Variants in PIP4K2A observed in about 807,000 individuals in gnomAD.
The protein encoded by PIP4K2A is phosphatidylinositol 5-phosphate 4-kinase type-2 alpha.
PIP4K2A carries 14 observed loss-of-function variants against 42.9 expected under a neutral mutation model. The observed-to-expected ratio is 0.33, with a 90% confidence interval of 0.22 to 0.51. The LOEUF (loss-of-function observed/expected upper bound fraction) is 0.51, where lower values mean the gene tolerates loss of function less well. Ranked by LOEUF, PIP4K2A falls within the 20% of genes least tolerant of loss-of-function variation. PIP4K2A has a pLI of 0.97. For synonymous variants in PIP4K2A, 192 were observed against 192.2 expected (o/e 1.00, Z 0.01); for missense variants, 434 against 519.8 (o/e 0.83, Z 1.61).
chr10:22,561,883 T>G (rs1836713859), intron 6 of PIP4K2A, among the ~76,000 whole-genome samples: 3 of 152,174 alleles, frequency 2.0e-5, no homozygotes, highest in Admixed American at 2.0e-4. Flanking sequence ...AAGATTGTTC[T>G]TTGTACCATA....
At chr10:22,628,411 C>T (rs551838988) in intron 1 of PIP4K2A, among the ~76,000 whole-genome samples, 15 of 152,148 alleles carry the variant, frequency 9.9e-5, no homozygotes, top group Admixed American at 2.6e-4. Flanking sequence ...AAAAATTGTA[C>T]CCTAAATGCT....
At chr10:22,564,626 C>A (rs1301640578) in intron 6 of PIP4K2A, among the ~76,000 whole-genome samples, 1 of 152,218 alleles carries the variant, frequency 6.6e-6, no homozygotes, top group Admixed American at 6.5e-5. Context: ...AACATTCACT[C>A]ATGGCAGCAT....
At chr10:22,648,895 G>A (rs565813168) in intron 1 of PIP4K2A, among the ~76,000 whole-genome samples, 1 of 152,194 alleles carries the variant, frequency 6.6e-6, no homozygotes, top group Admixed American at 6.5e-5. Context: ...TCATCAGAAC[G>A]TAGCCCAAAG....
chr10:22,676,622 G>A (rs1352153798), intron 1 of PIP4K2A, among the ~76,000 whole-genome samples: 1 of 152,116 alleles, frequency 6.6e-6, no homozygotes, highest in African/African-American at 2.4e-5. Flanking sequence ...GCTCAGTGAT[G>A]GGCTGATAAG....
intron 3 of PIP4K2A, 167 bp downstream of exon 3, chr10:22,607,760 C>G: frequency 1.9e-6 from 1 of 519,748 alleles, no homozygotes; most frequent in Non-Finnish European, 3.5e-6. Flanking sequence ...GGTCCCCAAT[C>G]AAGAGAACAC....
At position 22,641,115 on chromosome 10, in the gene PIP4K2A, T is replaced by C. The variant is rs987406639; in HGVS notation, c.145-31398A>G. ...TTAAACCTTGTTGTAGAGTCTATTA[T>C]ATCCTATGACATATGATGCTGCAGA... On this transcript the variant is annotated intron_variant, in intron 1 of 9. Coordinates refer to ENST00000376573, the MANE Select transcript of PIP4K2A (RefSeq NM_005028.5). 1.7e-4 allele frequency among the ~76,000 whole-genome samples: 26 copies of C among 152,232 alleles called. 1 individual carries two copies. The highest frequency in any genetic ancestry group is 6.0e-4 in the African/African-American group (25 of 41,466).
chr10:22,620,922 G>A (rs1838315206), intron 1 of PIP4K2A, among the ~76,000 whole-genome samples: 1 of 152,220 alleles, frequency 6.6e-6, no homozygotes, highest in African/African-American at 2.4e-5. Flanking sequence ...ATGTGGATGT[G>A]GCAGTGCAGG....
At chr10:22,619,409 T>C (rs1174167435) in intron 1 of PIP4K2A, among the ~76,000 whole-genome samples, 1 of 151,704 alleles carries the variant, frequency 6.6e-6, no homozygotes, top group Non-Finnish European at 1.5e-5. Context: ...TACAGCTGCT[T>C]CATCAATATT....
chr10:22,668,343 G>A (rs1312918494), intron 1 of PIP4K2A, among the ~76,000 whole-genome samples: 1 of 152,120 alleles, frequency 6.6e-6, no homozygotes, highest in Non-Finnish European at 1.5e-5. Flanking sequence ...TTTCATCACA[G>A]ACTATCACCA....
intron 1 of PIP4K2A, among the ~76,000 whole-genome samples, chr10:22,668,426 T>A (rs1451650968): frequency 2.6e-5 from 4 of 152,232 alleles, no homozygotes; most frequent in African/African-American, 7.2e-5. Flanking sequence ...GTGTTTTTTT[T>A]GTTTGTTTGT....
chr10:22,576,836 GA>G (rs1375584227), intron 4 of PIP4K2A, among the ~76,000 whole-genome samples: 1 of 152,084 alleles, frequency 6.6e-6, no homozygotes, highest in Non-Finnish European at 1.5e-5. Flanking sequence ...AGCACCCTGG[GA>G]GGCCAAGGTG....
chr10:22,654,495 A>G (rs958423596), intron 1 of PIP4K2A, among the ~76,000 whole-genome samples: 1 of 152,236 alleles, frequency 6.6e-6, no homozygotes, highest in Non-Finnish European at 1.5e-5. Context: ...CGTTCTTAAC[A>G]TGGGCTAAGA....
At chr10:22,570,268 T>TAAA in intron 5 of PIP4K2A, among the ~76,000 whole-genome samples, 1 of 152,352 alleles carries the variant, frequency 6.6e-6, no homozygotes, top group Non-Finnish European at 1.5e-5. Context: ...ATCCCTATTT[T>TAAA]AACAGATGAA....
At chr10:22,645,122 T>A (rs1356382317) in intron 1 of PIP4K2A, among the ~76,000 whole-genome samples, 1 of 152,256 alleles carries the variant, frequency 6.6e-6, no homozygotes, top group African/African-American at 2.4e-5. Flanking sequence ...TTTGATCTTT[T>A]AAAATTTTGA....
rs1222642553 is a variant in PIP4K2A at position 22,601,142 on chromosome 10, AAAAAAAAAAAAAAAAAAAAAAC to A, written c.339+6763_339+6784del. On this transcript the variant is annotated intron_variant, in intron 3 of 9. Transcript: ENST00000376573. ...AGCGAGACTGTCTCAAAAAAAAAAA[AAAAAAAAAAAAAAAAAAAAAAC>A]AAACCAGGAACATGTCCCCAAGGCT... Among the ~76,000 whole-genome samples the A allele has an allele frequency of 3.1e-4, 39 of 127,608 alleles. 1 individual carries two copies. Among genetic ancestry groups the A allele is most frequent in the South Asian group, 2.6e-4 (1 of 3,836 alleles). 83.7% of individuals were successfully genotyped at this position (127,608 alleles called of 152,430 possible).
intron 1 of PIP4K2A, among the ~76,000 whole-genome samples, chr10:22,683,252 T>C (rs1839697753): frequency 6.6e-6 from 1 of 152,150 alleles, no homozygotes; most frequent in Non-Finnish European, 1.5e-5. Context: ...GTTCTGCTCA[T>C]ACCACCGAGT....
chr10:22,634,215 G>C (rs1038113183), intron 1 of PIP4K2A, among the ~76,000 whole-genome samples: 6 of 152,208 alleles, frequency 3.9e-5, no homozygotes, highest in Admixed American at 2.6e-4. Context: ...CAGCCAAAGA[G>C]GACGGGACAG....
At chr10:22,644,043 C>A (rs1488046584) in intron 1 of PIP4K2A, among the ~76,000 whole-genome samples, 3 of 152,132 alleles carry the variant, frequency 2.0e-5, no homozygotes, top group Admixed American at 2.0e-4. Context: ...AATCACCATC[C>A]CCAGCTGGAT....
chr10:22,627,630 A>AAAAAAAAAAG (rs1346625282), intron 1 of PIP4K2A, among the ~76,000 whole-genome samples: 2 of 118,136 alleles, frequency 1.7e-5, no homozygotes, highest in Non-Finnish European at 1.8e-5. Context: ...AAAAAAAAAA[A>AAAAAAAAAAG]AGATAAGGAA....
Sources: allele counts gnomAD v4.1 joint callset (sites outside exome capture counted in the v4.1 genomes callset), GRCh38; gene constraint gnomAD v4.1.1; transcripts MANE v1.5; gene names NCBI Gene and HGNC (gene_info 2026-07-23, HGNC 2026-07-21).